The following FANCA variants were observed in gnomAD, a reference collection of about 807,000 sequenced individuals.
FANCA encodes Fanconi anemia group A protein.
A neutral mutation model predicts 194.3 loss-of-function variants in FANCA; 236 were observed. The ratio of observed to expected loss-of-function variants is 1.21; its 90% confidence interval spans 1.09 to 1.35. The LOEUF is 1.35. FANCA is among the 40% of genes most tolerant of loss of function. The pLI is 0.00. For missense variants in FANCA, 2,628 were observed against 1,813.9 expected, an observed-to-expected ratio of 1.45 and a Z score of -8.15; for synonymous variants, 1,014 against 715.8, an observed-to-expected ratio of 1.42 and a Z score of -6.65.
Position 89,779,022 on chromosome 16 carries a change from G to A in FANCA, c.1716-19C>T. Reference sequence around the variant, plus strand: ...GAATATGCTGCAACACAGAGAAGCAGACAGTGCATCAGTCAGAGCAGCGAG... The same window carrying A: ...GAATATGCTGCAACACAGAGAAGCAAACAGTGCATCAGTCAGAGCAGCGAG... On this transcript the variant is annotated intron_variant, in intron 18 of 42. Coordinates refer to ENST00000389301, the MANE Select transcript of FANCA (RefSeq NM_000135.4). 1 of 1,612,132 alleles carries A rather than the reference G, an allele frequency of 6.2e-7. No individual in the cohort carries two copies. Among genetic ancestry groups the A allele is most frequent in the Non-Finnish European group, 8.5e-7 (1 of 1,179,518 alleles).
intron 20 of FANCA, among the ~76,000 whole-genome samples, chr16:89,776,894 TAGTA>T (rs1317905681): frequency 6.6e-6 from 1 of 151,996 alleles, no homozygotes; most frequent in East Asian, 1.9e-4. Flanking sequence ...CTTAGCAAAT[TAGTA>T]AGAGGGAACT....
chr16:89,764,601 A>C (rs941950650), intron 28 of FANCA, among the ~76,000 whole-genome samples: 45 of 152,158 alleles, frequency 3.0e-4, no homozygotes, highest in Admixed American at 2.9e-3. Flanking sequence ...CACCGTGCCC[A>C]GTATCTGTAT....
chr16:89,756,496 G>C (rs998697337), intron 30 of FANCA, among the ~76,000 whole-genome samples: 1 of 152,130 alleles, frequency 6.6e-6, no homozygotes, highest in Non-Finnish European at 1.5e-5. Context: ...AGGTATGGTG[G>C]TGCCTGTGGT....
chr16:89,803,056 C>T (rs997403520), intron 8 of FANCA, among the ~76,000 whole-genome samples: 8 of 152,156 alleles, frequency 5.3e-5, no homozygotes, highest in African/African-American at 1.9e-4. Context: ...TGCCAACACA[C>T]AGAAATGATA....
chr16:89,744,518 G>A (rs2062201015), intron 36 of FANCA, among the ~76,000 whole-genome samples: 1 of 152,012 alleles, frequency 6.6e-6, no homozygotes, highest in Non-Finnish European at 1.5e-5. Flanking sequence ...CCATGACACT[G>A]ACCCTACCAG....
intron 23 of FANCA, 128 bp downstream of exon 23, chr16:89,771,550 G>A: frequency 9.2e-7 from 1 of 1,092,064 alleles, no homozygotes; most frequent in Non-Finnish European, 1.4e-6. Flanking sequence ...GCCTGGCCCT[G>A]GAACATCTGA....
At chr16:89,773,869 T>TTCAAATCATCCTGCC (rs1242946250) in intron 21 of FANCA, among the ~76,000 whole-genome samples, 5 of 148,964 alleles carry the variant, frequency 3.4e-5, no homozygotes, top group African/African-American at 1.2e-4. Flanking sequence ...GCCTCCCGGG[T>TTCAAATCATCCTGCC]TCAAATCATC....
At chr16:89,759,318 TAAAAAAAAAAAA>T (rs71137673) in intron 29 of FANCA, among the ~76,000 whole-genome samples, 24 of 75,206 alleles carry the variant, frequency 3.2e-4, no homozygotes, top group East Asian at 6.6e-4. Context: ...AGACTCCGTC[TAAAAAAAAAAAA>T]AAAAAAAAAA....
Position 89,779,957 on chromosome 16 carries a change from G to T in FANCA, c.1627C>A (p.Pro543Thr). The T allele has an allele frequency of 6.2e-7, 1 of 1,614,048 alleles. No individual in the cohort carries two copies. Among genetic ancestry groups the T allele is most frequent in the Non-Finnish European group, 8.5e-7 (1 of 1,179,916 alleles). Residue 543 changes from proline (P) to threonine (T), a missense_variant and splice_region_variant, in exon 18 of 43, where the codon CCC becomes ACC. Transcript: ENST00000389301. ...ACATCCTGAAGAGCTTGGCTGTGGG[G>T]CTGGTTCCCATACAGGGAGGAAAGG... ...DLSSAGDITE[P>T]HSQALQDVEK...
chr16:89,784,154 T>C (rs1321269607), intron 15 of FANCA, among the ~76,000 whole-genome samples: 1 of 151,800 alleles, frequency 6.6e-6, no homozygotes, highest in Non-Finnish European at 1.5e-5. Context: ...TCACTTGAGC[T>C]CAGTTCAAGG....
At chr16:89,740,718 A>T (rs1360159200) in intron 38 of FANCA, 86 bp downstream of exon 38, 2 of 1,134,144 alleles carry the variant, frequency 1.8e-6, no homozygotes, top group African/African-American at 3.1e-5. Context: ...GCTAGTCTGG[A>T]AACCCTGACT....
At chr16:89,742,478 AATT>A (rs1289831301) in intron 37 of FANCA, among the ~76,000 whole-genome samples, 2 of 151,980 alleles carry the variant, frequency 1.3e-5, no homozygotes, top group Admixed American at 6.6e-5. Flanking sequence ...AAAAAACTGA[AATT>A]ATTATTTTTA....
Position 89,815,818 on chromosome 16 carries a change from C to A in FANCA, c.189+59G>T, listed in dbSNP as rs145052448. The stretch of plus-strand genomic sequence containing the variant: ...TTTTCTTAGGAAAGCTGTGCGGTGG[C>A]TGGACTCAAAAACCCCGAACCTAAA... On this transcript the variant is annotated intron_variant, in intron 2 of 42. Transcript: ENST00000389301. The A allele has an allele frequency of 3.0e-4, 398 of 1,310,242 alleles. 2 individuals carry two copies. In the African/African-American group the frequency reaches 4.6e-3, roughly 15 times the overall value. 81.2% of individuals were successfully genotyped at this position (1,310,242 alleles called of 1,614,324 possible).
intron 13 of FANCA, 119 bp downstream of exon 13, chr16:89,791,808 G>C: frequency 7.6e-7 from 1 of 1,323,178 alleles, no homozygotes; most frequent in South Asian, 1.2e-5. Flanking sequence ...GGCACTGCAG[G>C]TTCCGGGCAG....
At chr16:89,747,400 C>G (rs2038427311) in intron 33 of FANCA, among the ~76,000 whole-genome samples, 1 of 152,210 alleles carries the variant, frequency 6.6e-6, no homozygotes, top group Non-Finnish European at 1.5e-5. Flanking sequence ...CTCTGCTTTC[C>G]TTGTCACATT....
In FANCA at chr16:89,745,255, T is replaced by C. The variant is rs2074903; in HGVS notation, c.3514-184A>G. ...AGGCTCAAAGCAGTTCCATGAGGCA[T>C]TTATTACCCACACTCATGGAAGACG... On this transcript the variant is annotated intron_variant, in intron 35 of 42. Transcript: ENST00000389301. Among the ~76,000 whole-genome samples, 9,052 of 152,280 alleles carry C rather than the reference T, an allele frequency of 0.059. 414 individuals are homozygous for C. Among genetic ancestry groups the C allele is most frequent in the East Asian group, 0.22 (1,121 of 5,174 alleles).
chr16:89,815,335 C>G (rs1302666009), intron 2 of FANCA, among the ~76,000 whole-genome samples: 1 of 66,498 alleles, frequency 1.5e-5, no homozygotes, highest in Non-Finnish European at 2.9e-5. Flanking sequence ...CCACGCCCGG[C>G]TTTTTTTTTT....
rs750571646 is a variant in FANCA, at chr16:89,795,976, G to T, written c.936C>A (p.Ser312=). 1.2e-6 allele frequency: 2 copies of T among 1,614,192 alleles called. No individual in the cohort carries two copies. Among genetic ancestry groups the T allele is most frequent in the African/African-American group, 1.3e-5 (1 of 75,070 alleles). Residue 312 remains serine (S), a synonymous_variant, in exon 11 of 43, where the codon TCC becomes TCA. Coordinates refer to ENST00000389301, the MANE Select transcript of FANCA (RefSeq NM_000135.4). ...TGAAGAACCTCTTCAGAGGATCTGT[G>T]GAAATTACACTGCCAAGCGTGTGTC... ...FSGHTLGSVI[S]TDPLKRFFSH... is the part of the protein sequence containing the mutation.
chr16:89,742,722 A>G lies in FANCA; in HGVS notation c.3765+78T>C, dbSNP rs968830531. On this transcript the variant is annotated intron_variant, in intron 37 of 42. Transcript: ENST00000389301. Reference sequence around the variant, plus strand: ...TTTGTCTTTAGAAAAACAGTTCATCAGACAAGCCCAGAGAAATAGCACTGA... The same window carrying G: ...TTTGTCTTTAGAAAAACAGTTCATCGGACAAGCCCAGAGAAATAGCACTGA... 27 of 1,521,020 alleles carry G rather than the reference A, an allele frequency of 1.8e-5. No homozygotes were observed. In the African/African-American group the frequency reaches 3.3e-4, roughly 19 times the overall value. The allele number at this position is 1,521,020 out of a possible 1,614,324, so 94.2% of individuals were successfully genotyped here. A position where few individuals can be genotyped will look rare whatever the true frequency, so the allele number is the denominator to read the frequency against.
Sources: gnomAD v4.1 joint callset for allele counts (sites outside exome capture counted in the v4.1 genomes callset) on GRCh38, gnomAD v4.1.1 for gene constraint, MANE v1.5 for transcripts, NCBI Gene and HGNC (gene_info 2026-07-23, HGNC 2026-07-21) for gene names.